Variants in PAK3 observed in about 807,000 individuals in gnomAD.
The protein encoded by PAK3 is p21 (RAC1) activated kinase 3.
PAK3 carries 4 observed loss-of-function variants against 41.0 expected under a neutral mutation model. The observed-to-expected ratio is 0.10, with a 90% CI of 0.05 to 0.22. PAK3 has a LOEUF of 0.22. PAK3 is among the 10% of genes least tolerant of loss of function. The pLI is 1.00. For synonymous variants in PAK3, 146 were observed against 139.6 expected (o/e 1.05, Z -0.32); for missense variants, 205 against 409.9 (o/e 0.50, Z 4.32).
chrX:111,035,988 A>G (rs1398611931), intron 1 of PAK3, among the ~76,000 whole-genome samples: 1 of 112,519 alleles, frequency 8.9e-6, no homozygotes, highest in Non-Finnish European at 1.9e-5. Flanking sequence ...AGTCAATGGA[A>G]GAGACTGATG....
At chrX:111,102,505 C>T (rs1448768727) in intron 3 of PAK3, among the ~76,000 whole-genome samples, 1 of 110,998 alleles carries the variant, frequency 9.0e-6, no homozygotes, top group Admixed American at 9.5e-5. Context: ...GACTTTTTTT[C>T]CACTTCTCCA....
At position 111,144,777 on chromosome X, in the gene PAK3, T is replaced by TAGGTTGGG. The variant is rs1271463765; in HGVS notation, c.276+2586_276+2593dup. 5.9e-6 allele frequency: 3 copies of TAGGTTGGG among 510,629 alleles called. No individual in the cohort carries two copies. The East Asian group carries it at 1.2e-4, about 20-fold the overall frequency. 42.1% of individuals were successfully genotyped at this position (510,629 alleles called of 1,213,427 possible). A position where few individuals can be genotyped will look rare whatever the true frequency, so the allele number is the denominator to read the frequency against. The stretch of plus-strand genomic sequence containing the variant: ...TACACTTGGACCCTGAAGCTAAAAG[T>TAGGTTGGG]AGGTTGGGAGGTGAGATTTTTGGTA... On this transcript the variant is annotated intron_variant, in intron 6 of 17. Transcript: ENST00000372007.
chrX:111,132,771 G>A (rs1052891084), intron 5 of PAK3, among the ~76,000 whole-genome samples: 2 of 111,520 alleles, frequency 1.8e-5, no homozygotes, highest in African/African-American at 6.5e-5. Flanking sequence ...ATACCACTCA[G>A]AAAAGAGTTG....
At chrX:111,150,647 G>T (rs2094012862) in intron 7 of PAK3, among the ~76,000 whole-genome samples, 1 of 111,294 alleles carries the variant, frequency 9.0e-6, no homozygotes, top group South Asian at 3.8e-4. Context: ...GCATGGGAAA[G>T]ACCGGCCACT....
intron 1 of PAK3, among the ~76,000 whole-genome samples, chrX:110,979,752 G>A (rs2091417598): frequency 8.9e-6 from 1 of 111,982 alleles, no homozygotes; most frequent in Non-Finnish European, 1.9e-5. Flanking sequence ...TATATGCATT[G>A]AGTGCTATAA....
At chrX:110,995,961 G>T (rs142308592) in intron 1 of PAK3, among the ~76,000 whole-genome samples, 7 of 111,854 alleles carry the variant, frequency 6.3e-5, no homozygotes, top group African/African-American at 2.3e-4. Context: ...AGAAGAACAT[G>T]AAAAGCCTTC....
intron 1 of PAK3, among the ~76,000 whole-genome samples, chrX:110,972,198 C>A (rs2148634547): frequency 9.0e-6 from 1 of 111,081 alleles, no homozygotes; most frequent in African/African-American, 3.3e-5. Flanking sequence ...GTAGTACTAC[C>A]TCGAATAGCA....
intron 1 of PAK3, among the ~76,000 whole-genome samples, chrX:111,088,032 T>G (rs746634289): frequency 9.0e-6 from 1 of 110,848 alleles, no homozygotes; most frequent in African/African-American, 3.3e-5. Flanking sequence ...CATCGGAATC[T>G]GAGATTAGAA....
chrX:111,199,744 A>G (rs898318826), intron 16 of PAK3, among the ~76,000 whole-genome samples: 2 of 111,836 alleles, frequency 1.8e-5, no homozygotes, highest in African/African-American at 6.5e-5. Context: ...TTGGTAACTC[A>G]CTTTGCTACC....
rs980996588 is a variant in PAK3 at position 111,223,426 on chromosome X, C to A, written c.*2979C>A. On this transcript the variant is annotated 3_prime_UTR_variant, in exon 18 of 18. Coordinates refer to ENST00000372007, the MANE Select transcript of PAK3 (RefSeq NM_002578.5). ...CAGTCACCATGTTGGGTAATGACTT[C>A]GTTCTTGCTGATCTCGTGTGTGTGT... 3 of 107,524 alleles carry A rather than the reference C, an allele frequency of 2.8e-5. No homozygotes were observed. Among genetic ancestry groups the A allele is most frequent in the Non-Finnish European group, 5.8e-5 (3 of 52,148 alleles). 8.9% of individuals were successfully genotyped at this position (107,524 alleles called of 1,213,427 possible). A position where few individuals can be genotyped will look rare whatever the true frequency, so the allele number is the denominator to read the frequency against.
chrX:111,021,080 G>C lies in PAK3; in HGVS notation c.-28+76452G>C, dbSNP rs1016957246. The stretch of plus-strand genomic sequence containing the variant: ...GTGGTCTTTCTCTACCTGCCCCCGG[G>C]AAGACAAATGTCATAATCTCTTGGG... On this transcript the variant is annotated intron_variant, in intron 1 of 14. Coordinates refer to the PAK3 transcript ENST00000425146. Among the ~76,000 whole-genome samples the C allele has an allele frequency of 2.7e-5, 3 of 111,533 alleles. No individual in the cohort carries two copies. The Admixed American group carries it at 2.8e-4, about 11-fold the overall frequency.
intron 11 of PAK3, among the ~76,000 whole-genome samples, chrX:111,180,970 T>TTA (rs1408479616): frequency 8.9e-6 from 1 of 112,026 alleles, no homozygotes; most frequent in East Asian, 2.8e-4. Flanking sequence ...TCTTTCTGAG[T>TTA]TACCCTCCTT....
At chrX:111,128,699 T>A (rs1474121703) in intron 5 of PAK3, among the ~76,000 whole-genome samples, 1 of 112,163 alleles carries the variant, frequency 8.9e-6, no homozygotes, top group Non-Finnish European at 1.9e-5. Context: ...TGGTTTTCAT[T>A]TTTCTTTAAG....
intron 7 of PAK3, among the ~76,000 whole-genome samples, chrX:111,148,328 A>AC (rs1290165705): frequency 8.9e-6 from 1 of 111,837 alleles, no homozygotes; most frequent in Non-Finnish European, 1.9e-5. Context: ...TTTTGCTAAG[A>AC]CCCCCAAATC....
At position 111,020,037 on chromosome X, in the gene PAK3, A is replaced by G. The variant is rs1355377339; in HGVS notation, c.-28+75409A>G. ...TCCTTTAAAAATTAAAAATAGAATTACCATATGATCTAGCAGTTCTACTTC... is the reference window on the plus strand; with the variant it reads ...TCCTTTAAAAATTAAAAATAGAATTGCCATATGATCTAGCAGTTCTACTTC... On this transcript the variant is annotated intron_variant, in intron 1 of 14. Coordinates refer to the PAK3 transcript ENST00000425146. Among the ~76,000 whole-genome samples, 3 of 112,301 alleles carry G rather than the reference A, an allele frequency of 2.7e-5. No individual in the cohort carries two copies. In the Admixed American group the frequency reaches 2.8e-4, roughly 11 times the overall value.
intron 1 of PAK3, among the ~76,000 whole-genome samples, chrX:111,050,981 A>T (rs909011547): frequency 3.6e-5 from 4 of 111,816 alleles, no homozygotes; most frequent in Admixed American, 2.9e-4. Context: ...CTCAAAGGAC[A>T]AAGTGGCAAG....
At chrX:111,131,554 C>CAA (rs751731708) in intron 5 of PAK3, among the ~76,000 whole-genome samples, 19 of 99,219 alleles carry the variant, frequency 1.9e-4, no homozygotes, top group African/African-American at 7.0e-4. Flanking sequence ...ATTTCCAATG[C>CAA]AAAAAAAAAA....
intron 1 of PAK3, among the ~76,000 whole-genome samples, chrX:111,050,176 C>T (rs1051873842): frequency 9.0e-6 from 1 of 111,484 alleles, no homozygotes; most frequent in Non-Finnish European, 1.9e-5. Flanking sequence ...TTCACTCCCT[C>T]TCTTGAATAA....
At chrX:110,972,162 T>C (rs1228332313) in intron 1 of PAK3, among the ~76,000 whole-genome samples, 3 of 111,676 alleles carry the variant, frequency 2.7e-5, no homozygotes, top group Non-Finnish European at 5.6e-5. Context: ...AAGACTTTTA[T>C]TCCCTTTCCT....
Sources: gnomAD v4.1 joint callset for allele counts (sites outside exome capture counted in the v4.1 genomes callset) on GRCh38, gnomAD v4.1.1 for gene constraint, MANE v1.5 for transcripts, NCBI Gene and HGNC (gene_info 2026-07-23, HGNC 2026-07-21) for gene names.